RAB3B: variants seen among roughly 807,000 people sequenced by gnomAD.
The protein encoded by RAB3B is RAB3B, member RAS oncogene family.
Under a neutral mutation model 20.5 loss-of-function variants are expected in RAB3B, and 11 were observed. That is an observed-to-expected ratio of 0.54 (90% CI 0.34 to 0.89). The LOEUF (loss-of-function observed/expected upper bound fraction) is 0.89. RAB3B is among the 40% of genes least tolerant of loss of function. The pLI is 0.02. For missense variants in RAB3B, 225 were observed against 280.9 expected, an observed-to-expected ratio of 0.80 and a Z score of 1.42; for synonymous variants, 99 against 106.3, an observed-to-expected ratio of 0.93 and a Z score of 0.42.
At chr1:51,922,226 T>C (rs1213360279) in intron 4 of RAB3B, among the ~76,000 whole-genome samples, 2 of 152,188 alleles carry the variant, frequency 1.3e-5, no homozygotes, top group African/African-American at 4.8e-5. Flanking sequence ...TGGCAGTGTT[T>C]GGGGAGGTGC....
rs1263456772 is a variant in RAB3B, at chr1:51,908,471, C to T, written c.*11456G>A. 1 of 152,026 alleles carries T rather than the reference C, an allele frequency of 6.6e-6. No homozygotes were observed. The highest frequency in any genetic ancestry group is 1.5e-5 in the Non-Finnish European group (1 of 68,012). The allele number at this position is 152,026 out of a possible 1,614,324, so 9.4% of individuals were successfully genotyped here. On this transcript the variant is annotated 3_prime_UTR_variant, in exon 5 of 5. Transcript: ENST00000371655. ...ATGCAAATTGCATAAGGTGACATCT[C>T]TCTGTGTGGCCACAGAGATAGATCA...
intron 2 of RAB3B, among the ~76,000 whole-genome samples, chr1:51,938,006 T>C (rs1172421935): frequency 6.8e-6 from 1 of 147,502 alleles, no homozygotes; most frequent in Non-Finnish European, 1.5e-5. Context: ...CTTTTTTTTT[T>C]TTTTTTTTTT....
intron 1 of RAB3B, among the ~76,000 whole-genome samples, chr1:51,978,392 T>C (rs1008073936): frequency 6.6e-6 from 1 of 152,220 alleles, no homozygotes; most frequent in Non-Finnish European, 1.5e-5. Context: ...CATTATCAAC[T>C]GGTAAATTCC....
Position 51,984,263 on chromosome 1 carries a change from TAAAAAAAAAAAAAAAAAA to T in RAB3B, c.-1+6271_-1+6288del, listed in dbSNP as rs1166997647. On this transcript the variant is annotated intron_variant, in intron 1 of 4. Coordinates refer to ENST00000371655, the MANE Select transcript of RAB3B (RefSeq NM_002867.4). ...CAGGCAACAGTGGAGACTCTCTAAT[TAAAAAAAAAAAAAAAAAA>T]AAAAAAAAAAAAAAAAGCATGAACG... 2.4e-4 allele frequency among the ~76,000 whole-genome samples: 5 copies of T among 20,674 alleles called. No individual in the cohort carries two copies. In the South Asian group the frequency reaches 0.01, roughly 42 times the overall value. The allele number at this position is 20,674 out of a possible 152,430, so 13.6% of individuals were successfully genotyped here.
intron 1 of RAB3B, among the ~76,000 whole-genome samples, chr1:51,982,518 C>T (rs922922254): frequency 1.3e-5 from 2 of 152,028 alleles, no homozygotes; most frequent in Non-Finnish European, 2.9e-5. Flanking sequence ...TTTGGGAGGC[C>T]GAGGCAGGCA....
chr1:51,958,371 A>G (rs138762879), intron 2 of RAB3B, among the ~76,000 whole-genome samples: 1 of 152,264 alleles, frequency 6.6e-6, no homozygotes, highest in South Asian at 2.1e-4. Flanking sequence ...TCTCATATGT[A>G]TCAGATGATC....
At chr1:51,974,873 T>C (rs1303654994) in intron 2 of RAB3B, among the ~76,000 whole-genome samples, 2 of 152,270 alleles carry the variant, frequency 1.3e-5, no homozygotes, top group African/African-American at 4.8e-5. Context: ...GATATATGCA[T>C]AATGTATTAA....
At chr1:51,931,796 G>C (rs1259300773) in intron 4 of RAB3B, among the ~76,000 whole-genome samples, 8 of 152,228 alleles carry the variant, frequency 5.3e-5, no homozygotes, top group African/African-American at 1.7e-4. Flanking sequence ...TGTTTTGAAA[G>C]CTGAGTGGGG....
intron 2 of RAB3B, among the ~76,000 whole-genome samples, chr1:51,962,583 T>C (rs1262809911): frequency 6.6e-6 from 1 of 152,198 alleles, no homozygotes; most frequent in Non-Finnish European, 1.5e-5. Flanking sequence ...AAGAAGCCCA[T>C]GTCTCCAAAG....
At chr1:51,926,463 G>A (rs1271937321) in intron 4 of RAB3B, among the ~76,000 whole-genome samples, 2 of 152,194 alleles carry the variant, frequency 1.3e-5, no homozygotes, top group Non-Finnish European at 2.9e-5. Flanking sequence ...GAAGTGATGT[G>A]ATCCAAGTCC....
In RAB3B at chr1:51,967,521, C is replaced by CTTTTTTTTT. The variant is rs71041868; in HGVS notation, c.228+9360_228+9368dup. Among the ~76,000 whole-genome samples the CTTTTTTTTT allele has an allele frequency of 1.3e-3, 47 of 36,510 alleles. 11 individuals carry two copies. Among genetic ancestry groups the CTTTTTTTTT allele is most frequent in the Admixed American group, 1.9e-3 (3 of 1,576 alleles). 24.0% of individuals were successfully genotyped at this position (36,510 alleles called of 152,430 possible). A position where few individuals can be genotyped will look rare whatever the true frequency, so the allele number is the denominator to read the frequency against. ...TTCCTTTTTCTTTTCTTTTCTTTTT[C>CTTTTTTTTT]TTTTTTTTTTTTTTTTTTGAGATAG... On this transcript the variant is annotated intron_variant, in intron 2 of 4. Transcript: ENST00000371655.
chr1:51,915,883 G>A lies in RAB3B; in HGVS notation c.*4044C>T, dbSNP rs1684077884. On this transcript the variant is annotated 3_prime_UTR_variant, in exon 5 of 5. Coordinates refer to ENST00000371655, the MANE Select transcript of RAB3B (RefSeq NM_002867.4). The stretch of plus-strand genomic sequence containing the variant: ...TTTTTGTATTTTTAGTAGAGATGGG[G>A]GTTTCACCATGTTGCCCAGGCTGGT... The A allele has an allele frequency of 6.6e-6, 1 of 152,174 alleles. No individual in the cohort carries two copies. The highest frequency in any genetic ancestry group is 2.4e-5 in the African/African-American group (1 of 41,426). 9.4% of individuals were successfully genotyped at this position (152,174 alleles called of 1,614,324 possible). A position where few individuals can be genotyped will look rare whatever the true frequency, so the allele number is the denominator to read the frequency against.
chr1:51,933,304 TGTC>T lies in RAB3B; in HGVS notation c.472+11_472+13del. 6.2e-7 allele frequency: 1 copy of T among 1,612,498 alleles called. No homozygotes were observed. The highest frequency in any genetic ancestry group is 8.5e-7 in the Non-Finnish European group (1 of 1,179,266). ...ACAAATGCACACATGCACATACATG[TGTC>T]ATGTACATACCAAGCTGCTCTGCAA... is the stretch of plus-strand genomic sequence containing the variant. On this transcript the variant is annotated intron_variant, in intron 4 of 4. Transcript: ENST00000371655.
intron 1 of RAB3B, among the ~76,000 whole-genome samples, chr1:51,977,344 T>C (rs1421653450): frequency 6.6e-6 from 1 of 152,226 alleles, no homozygotes; most frequent in African/African-American, 2.4e-5. Flanking sequence ...AAATATTTAC[T>C]GAGCACATTG....
intron 2 of RAB3B, among the ~76,000 whole-genome samples, chr1:51,957,426 C>T (rs1393835366): frequency 6.6e-6 from 1 of 152,156 alleles, no homozygotes; most frequent in East Asian, 1.9e-4. Flanking sequence ...AATGAACAGA[C>T]AGTGTGAAGG....
chr1:51,917,868 A>T lies in RAB3B; in HGVS notation c.*2059T>A, dbSNP rs997014569. On this transcript the variant is annotated 3_prime_UTR_variant, in exon 5 of 5. Coordinates refer to ENST00000371655, the MANE Select transcript of RAB3B (RefSeq NM_002867.4). ...AGCTGGATGGTCCTTTTATTTAGTC[A>T]TTGGACTGGTTGCTAGTTAATTACT... 2 of 152,096 alleles carry T rather than the reference A, an allele frequency of 1.3e-5. No individual in the cohort carries two copies. The highest frequency in any genetic ancestry group is 1.9e-4 in the East Asian group (1 of 5,190). 9.4% of individuals were successfully genotyped at this position (152,096 alleles called of 1,614,324 possible).
chr1:51,977,407 T>C (rs1685025521), intron 1 of RAB3B, among the ~76,000 whole-genome samples: 1 of 152,292 alleles, frequency 6.6e-6, no homozygotes, highest in South Asian at 2.1e-4. Flanking sequence ...GAGTCAGACA[T>C]GGTGCCTGAC....
intron 1 of RAB3B, among the ~76,000 whole-genome samples, chr1:51,982,753 A>AAATAAT (rs540518500): frequency 6.6e-6 from 1 of 151,502 alleles, no homozygotes; most frequent in African/African-American, 2.4e-5. Context: ...AATCTCAAAA[A>AAATAAT]AATAATAATA....
chr1:51,930,796 AC>A (rs1684312690), intron 4 of RAB3B, among the ~76,000 whole-genome samples: 1 of 152,144 alleles, frequency 6.6e-6, no homozygotes, highest in African/African-American at 2.4e-5. Context: ...TGGGCAGATC[AC>A]CTGAGGTCAG....
Sources: allele counts gnomAD v4.1 joint callset (sites outside exome capture counted in the v4.1 genomes callset), GRCh38; gene constraint gnomAD v4.1.1; transcripts MANE v1.5; gene names NCBI Gene and HGNC (gene_info 2026-07-23, HGNC 2026-07-21).